Variants in SYT9 observed in about 807,000 individuals in gnomAD.
SYT9 encodes the protein synaptotagmin 9.
Under a neutral mutation model 48.4 loss-of-function variants are expected in SYT9, and 22 were observed. The ratio of observed to expected loss-of-function variants is 0.45; its 90% confidence interval spans 0.32 to 0.65. SYT9 has a LOEUF of 0.65. Among genes scored for constraint, SYT9 ranks in the 30% least tolerant of loss-of-function variants. The pLI, the probability that SYT9 is intolerant of heterozygous loss-of-function variation, is 0.03. For missense variants in SYT9, 577 were observed against 622.0 expected, an observed-to-expected ratio of 0.93 and a Z score of 0.77; for synonymous variants, 265 against 245.0, an observed-to-expected ratio of 1.08 and a Z score of -0.76.
chr11:7,320,770 A>G (rs1005110915), intron 3 of SYT9, among the ~76,000 whole-genome samples: 1 of 152,248 alleles, frequency 6.6e-6, no homozygotes, highest in East Asian at 1.9e-4. Flanking sequence ...CAAAACGGCA[A>G]TTATTGAGTG....
chr11:7,321,444 G>A (rs1386059805), intron 3 of SYT9, among the ~76,000 whole-genome samples: 1 of 152,128 alleles, frequency 6.6e-6, no homozygotes, highest in Non-Finnish European at 1.5e-5. Context: ...GGGGCAGGCA[G>A]GCTCTGTGAT....
intron 3 of SYT9, among the ~76,000 whole-genome samples, chr11:7,336,184 GTTGT>G (rs1191171280): frequency 6.6e-6 from 1 of 152,036 alleles, no homozygotes; most frequent in Non-Finnish European, 1.5e-5. Flanking sequence ...TTTTAATAGG[GTTGT>G]TTGTTTTTCT....
chr11:7,395,549 T>G (rs1464908103), intron 3 of SYT9, among the ~76,000 whole-genome samples: 1 of 152,152 alleles, frequency 6.6e-6, no homozygotes, highest in East Asian at 1.9e-4. Flanking sequence ...AGATTCAGGA[T>G]AGTTAAGTCT....
At chr11:7,382,977 G>A (rs1250877451) in intron 3 of SYT9, among the ~76,000 whole-genome samples, 1 of 152,178 alleles carries the variant, frequency 6.6e-6, no homozygotes, top group African/African-American at 2.4e-5. Context: ...ATATCTATAA[G>A]TAAAGTGCAG....
chr11:7,467,562 T>G lies in SYT9; in HGVS notation c.*762T>G, dbSNP rs1435829913. On this transcript the variant is annotated 3_prime_UTR_variant, in exon 7 of 7. Transcript: ENST00000318881. ...CCTTCCTTTCAACTGGGAGTGTTAT[T>G]AGAATGAAAAGTAATTAGTTAGAAG... 1.3e-5 allele frequency: 2 copies of G among 152,150 alleles called. No homozygotes were observed. Among genetic ancestry groups the G allele is most frequent in the African/African-American group, 4.8e-5 (2 of 41,422 alleles). The allele number at this position is 152,150 out of a possible 1,614,324, so 9.4% of individuals were successfully genotyped here. A position where few individuals can be genotyped will look rare whatever the true frequency, so the allele number is the denominator to read the frequency against.
Position 7,463,541 on chromosome 11 carries a change from A to G in SYT9, c.1468-3251A>G, listed in dbSNP as rs572429074. Among the ~76,000 whole-genome samples the G allele has an allele frequency of 2.6e-4, 40 of 152,314 alleles. No homozygotes were observed. In the South Asian group the frequency reaches 8.1e-3, roughly 31 times the overall value. On this transcript the variant is annotated intron_variant, in intron 6 of 6. Transcript: ENST00000318881. The stretch of plus-strand genomic sequence containing the variant: ...TTTACTCATGTCTTCTCCTGAGACA[A>G]CTTTTTCAGAACTGACTTGTATGCT...
chr11:7,464,536 G>T lies in SYT9; in HGVS notation c.1468-2256G>T, dbSNP rs139164065. Among the ~76,000 whole-genome samples the T allele has an allele frequency of 3.5e-3, 540 of 152,218 alleles. 2 individuals are homozygous for T. Among genetic ancestry groups the T allele is most frequent in the Non-Finnish European group, 5.5e-3 (376 of 67,998 alleles). ...ATCCTCCATTAAAGAACCCCACGGG[G>T]TCTTTTAAGAACTTGTAAAGTCCAT... On this transcript the variant is annotated intron_variant, in intron 6 of 6. Coordinates refer to ENST00000318881, the MANE Select transcript of SYT9 (RefSeq NM_175733.4).
intron 3 of SYT9, among the ~76,000 whole-genome samples, chr11:7,316,859 C>T (rs566583154): frequency 6.6e-6 from 1 of 152,322 alleles, no homozygotes; most frequent in Admixed American, 6.5e-5. Context: ...ATTGGCATTT[C>T]TTCAGTTGTC....
chr11:7,308,724 G>C (rs140821988), intron 2 of SYT9, among the ~76,000 whole-genome samples: 3 of 152,078 alleles, frequency 2.0e-5, no homozygotes, highest in African/African-American at 7.2e-5. Flanking sequence ...CTCATCACCC[G>C]CCTGGACAGC....
chr11:7,436,907 G>A (rs939938448), intron 6 of SYT9, among the ~76,000 whole-genome samples: 1 of 152,200 alleles, frequency 6.6e-6, no homozygotes, highest in African/African-American at 2.4e-5. Context: ...ATCTCTCTGA[G>A]GATTCATTTC....
chr11:7,339,932 C>G (rs1015692062), intron 3 of SYT9, among the ~76,000 whole-genome samples: 1 of 152,208 alleles, frequency 6.6e-6, no homozygotes. Flanking sequence ...TTTTCATGGA[C>G]AATATCCTGA....
At chr11:7,463,370 T>C (rs1848267040) in intron 6 of SYT9, among the ~76,000 whole-genome samples, 1 of 152,250 alleles carries the variant, frequency 6.6e-6, no homozygotes, top group African/African-American at 2.4e-5. Context: ...CATTTTGTTT[T>C]ATACAATTTT....
At chr11:7,416,334 T>C (rs1317932077) in intron 4 of SYT9, among the ~76,000 whole-genome samples, 172 bp downstream of exon 4, 1 of 152,208 alleles carries the variant, frequency 6.6e-6, no homozygotes, top group African/African-American at 2.4e-5. Context: ...CTCTGAGCTT[T>C]GGATTCCCAT....
intron 3 of SYT9, among the ~76,000 whole-genome samples, chr11:7,332,422 A>G (rs1849554786): frequency 6.6e-6 from 1 of 152,232 alleles, no homozygotes; most frequent in African/African-American, 2.4e-5. Context: ...TAAGGAATGG[A>G]TGCACTGGCT....
chr11:7,465,090 A>G (rs1848308542), intron 6 of SYT9, among the ~76,000 whole-genome samples: 1 of 151,824 alleles, frequency 6.6e-6, no homozygotes, highest in Non-Finnish European at 1.5e-5. Flanking sequence ...CCATCTCAAA[A>G]AAAACGAAAG....
intron 6 of SYT9, among the ~76,000 whole-genome samples, chr11:7,455,638 T>C (rs10128547): frequency 0.33 from 50,552 of 151,926 alleles, 9,703 homozygotes; most frequent in African/African-American, 0.52. Flanking sequence ...TGTCCCTGGC[T>C]CATTTAAGCT....
At chr11:7,362,826 C>T (rs1850169260) in intron 3 of SYT9, among the ~76,000 whole-genome samples, 1 of 151,840 alleles carries the variant, frequency 6.6e-6, no homozygotes, top group Non-Finnish European at 1.5e-5. Flanking sequence ...AAGATGTAAC[C>T]ATTTACATAT....
At chr11:7,321,607 C>G (rs929499744) in intron 3 of SYT9, among the ~76,000 whole-genome samples, 6 of 152,200 alleles carry the variant, frequency 3.9e-5, no homozygotes, top group African/African-American at 1.4e-4. Flanking sequence ...AAGGGCAACT[C>G]AGTAATGTTT....
chr11:7,242,072 C>T (rs1330332669), intron 1 of SYT9, among the ~76,000 whole-genome samples: 1 of 152,172 alleles, frequency 6.6e-6, no homozygotes, highest in East Asian at 1.9e-4. Context: ...ACACATAAAG[C>T]ACAGCACACA....
Sources: allele counts gnomAD v4.1 joint callset (sites outside exome capture counted in the v4.1 genomes callset), GRCh38; gene constraint gnomAD v4.1.1; transcripts MANE v1.5; gene names NCBI Gene and HGNC (gene_info 2026-07-23, HGNC 2026-07-21).